PBX1: variants seen among roughly 807,000 people sequenced by gnomAD.
The protein encoded by PBX1 is pre-B-cell leukemia transcription factor 1.
PBX1 carries 6 observed loss-of-function variants against 53.4 expected under a neutral mutation model. That is an observed-to-expected ratio of 0.11 (90% CI 0.06 to 0.22). PBX1 has a LOEUF of 0.22. PBX1 is among the 10% of genes least tolerant of loss of function. The pLI is 1.00. For synonymous variants in PBX1, 204 were observed against 212.3 expected (o/e 0.96, Z 0.34); for missense variants, 251 against 551.4 (o/e 0.46, Z 5.46).
At chr1:164,834,027 A>ATGTGTGTGTGTGTGTGTG (rs1289743111) in intron 8 of PBX1, among the ~76,000 whole-genome samples, 4 of 79,268 alleles carry the variant, frequency 5.0e-5, no homozygotes, top group African/African-American at 1.6e-4. Flanking sequence ...ATATATATGT[A>ATGTGTGTGTGTGTGTGTG]TATGTGTGTG....
At chr1:164,734,976 G>A (rs1665188186) in intron 2 of PBX1, among the ~76,000 whole-genome samples, 1 of 152,166 alleles carries the variant, frequency 6.6e-6, no homozygotes, top group Non-Finnish European at 1.5e-5. Context: ...CTTCTATAAT[G>A]CACTTTCAAA....
In PBX1 at chr1:164,807,547, A is replaced by C; in HGVS notation, c.707A>C (p.Lys236Thr). ...LRSRFLDARR[K>T]RRNFNKQATE... is the part of the protein sequence containing the mutation. The stretch of plus-strand genomic sequence containing the variant: ...TTTCCTTTCTCTTTACAAAGGCGGA[A>C]GAGACGGAATTTCAACAAGCAAGCG... Residue 236 changes from lysine to threonine, a missense_variant, in exon 5 of 9, where the codon AAG (lysine) becomes ACG (threonine). Lys to Thr is a moderately conservative substitution (Grantham distance 78). This residue lies in a region of PBX1 where 20 missense variants were observed against 144.8 expected (regional missense o/e 0.14). Transcript: ENST00000420696. The C allele has an allele frequency of 6.2e-7, 1 of 1,613,464 alleles. No individual in the cohort carries two copies. The highest frequency in any genetic ancestry group is 8.5e-7 in the Non-Finnish European group (1 of 1,179,678).
At chr1:164,681,981 G>A (rs756692381) in intron 2 of PBX1, 6 of 152,214 alleles carry the variant, frequency 3.9e-5, no homozygotes, top group South Asian at 2.1e-4. Flanking sequence ...CAGAGGGAAC[G>A]TTTAAGAATC....
At chr1:164,808,996 C>A (rs191912741) in intron 5 of PBX1, among the ~76,000 whole-genome samples, 1 of 152,116 alleles carries the variant, frequency 6.6e-6, no homozygotes, top group South Asian at 2.1e-4. Context: ...CCATTCTTAT[C>A]CAAATCTAAA....
At chr1:164,622,975 CG>C (rs1209006781) in intron 2 of PBX1, among the ~76,000 whole-genome samples, 1 of 151,922 alleles carries the variant, frequency 6.6e-6, no homozygotes, top group Non-Finnish European at 1.5e-5. Flanking sequence ...CCACTACACC[CG>C]GCTAATTTTT....
At chr1:164,642,106 C>T (rs1659180763) in intron 2 of PBX1, 2 of 152,090 alleles carry the variant, frequency 1.3e-5, no homozygotes, top group Non-Finnish European at 2.9e-5. Flanking sequence ...ATAGGATAAG[C>T]CCCATCTCTA....
intron 2 of PBX1, among the ~76,000 whole-genome samples, chr1:164,637,232 T>A (rs2101892802): frequency 6.6e-6 from 1 of 152,314 alleles, no homozygotes; most frequent in South Asian, 2.1e-4. Context: ...AAAATGCATA[T>A]GCCCTTGATA....
chr1:164,822,022 G>GA (rs77105740), intron 8 of PBX1, among the ~76,000 whole-genome samples: 8 of 149,468 alleles, frequency 5.4e-5, no homozygotes, highest in East Asian at 2.0e-4. Flanking sequence ...TCTGTGGTCT[G>GA]AAAAAAAAAA....
intron 2 of PBX1, among the ~76,000 whole-genome samples, chr1:164,645,309 C>A (rs1179056005): frequency 6.6e-6 from 1 of 152,122 alleles, no homozygotes; most frequent in African/African-American, 2.4e-5. Context: ...CCTTTTGGCC[C>A]CTATCTGTCC....
In PBX1 at chr1:164,847,120, T is replaced by C. The variant is rs1571522183; in HGVS notation, c.*444T>C. 9.1e-7 allele frequency: 1 copy of C among 1,097,708 alleles called. No individual in the cohort carries two copies. The highest frequency in any genetic ancestry group is 4.3e-5 in the East Asian group (1 of 23,302). The allele number at this position is 1,097,708 out of a possible 1,614,324, so 68.0% of individuals were successfully genotyped here. ...AATTTACCTCACTCGAATCCCTCAC[T>C]CCCTATGTTAACAGGCAATCCTTCT... On this transcript the variant is annotated 3_prime_UTR_variant, in exon 9 of 9. Transcript: ENST00000420696.
downstream of PBX1, among the ~76,000 whole-genome samples, chr1:164,853,499 C>T (rs910782214): frequency 3.9e-5 from 6 of 152,154 alleles, no homozygotes; most frequent in Admixed American, 3.9e-4. Flanking sequence ...CAAAGAAGAT[C>T]AAGAGAGGGA....
In PBX1 at chr1:164,760,276, A is replaced by G. The variant is rs1265851300; in HGVS notation, c.266-32218A>G. Among the ~76,000 whole-genome samples, 3 of 152,026 alleles carry G rather than the reference A, an allele frequency of 2.0e-5. No homozygotes were observed. In the East Asian group the frequency reaches 5.8e-4, roughly 30 times the overall value. On this transcript the variant is annotated intron_variant, in intron 2 of 8. Transcript: ENST00000420696. ...CACCCTCTCCAAAATAGTGCCCCTTATTTATATGAAGCAAAATATGAGAAC... is the reference window on the plus strand; with the variant it reads ...CACCCTCTCCAAAATAGTGCCCCTTGTTTATATGAAGCAAAATATGAGAAC...
intron 6 of PBX1, chr1:164,817,779 C>T (rs1226954027): frequency 6.6e-6 from 1 of 152,216 alleles, no homozygotes; most frequent in Non-Finnish European, 1.5e-5. Context: ...CATCATGTAG[C>T]CCTTTGGGGG....
At chr1:164,648,996 G>T (rs1171627147) in intron 2 of PBX1, among the ~76,000 whole-genome samples, 1 of 152,092 alleles carries the variant, frequency 6.6e-6, no homozygotes, top group Non-Finnish European at 1.5e-5. Flanking sequence ...TGTGACTTAG[G>T]CTGTTTGCCT....
chr1:164,681,856 T>A (rs1320108338), intron 2 of PBX1, among the ~76,000 whole-genome samples: 1 of 152,226 alleles, frequency 6.6e-6, no homozygotes, highest in Non-Finnish European at 1.5e-5. Flanking sequence ...TAAACCCTTT[T>A]GTCCTCAATG....
chr1:164,764,025 C>A (rs538213658), intron 2 of PBX1, among the ~76,000 whole-genome samples: 1 of 152,152 alleles, frequency 6.6e-6, no homozygotes, highest in East Asian at 1.9e-4. Flanking sequence ...GGTCAGGGAA[C>A]CTAAATGCCG....
intron 5 of PBX1, 26 bp downstream of exon 5, chr1:164,807,703 C>A: frequency 6.2e-7 from 1 of 1,612,014 alleles, no homozygotes; most frequent in East Asian, 2.2e-5. Flanking sequence ...AAAGCCTCAG[C>A]CTGTAGCCTG....
At chr1:164,589,808 T>C (rs141051720) in intron 2 of PBX1, among the ~76,000 whole-genome samples, 27 of 152,354 alleles carry the variant, frequency 1.8e-4, no homozygotes, top group African/African-American at 6.3e-4. Flanking sequence ...GGTCTTATAG[T>C]GATCCAGTGA....
At chr1:164,733,168 A>G (rs1665089699) in intron 2 of PBX1, among the ~76,000 whole-genome samples, 1 of 152,120 alleles carries the variant, frequency 6.6e-6, no homozygotes, top group Non-Finnish European at 1.5e-5. Flanking sequence ...TTGAGTTCTG[A>G]CTTCAGACTG....
Sources: allele counts gnomAD v4.1 joint callset (sites outside exome capture counted in the v4.1 genomes callset), GRCh38; gene constraint gnomAD v4.1.1; regional missense constraint gnomAD v4.1.1; transcripts MANE v1.5; gene names NCBI Gene and HGNC (gene_info 2026-07-23, HGNC 2026-07-21).